The following PCLO variants were observed in gnomAD, a reference collection of about 807,000 sequenced individuals.
PCLO encodes protein piccolo.
PCLO carries 82 observed loss-of-function variants against 427.5 expected under a neutral mutation model. The ratio of observed to expected loss-of-function variants is 0.19; its 90% confidence interval spans 0.16 to 0.23. The LOEUF is 0.23. PCLO is among the 10% of genes least tolerant of loss of function. PCLO has a pLI of 1.00. For missense variants in PCLO, 6,239 were observed against 6,115.9 expected (o/e 1.02, Z -0.67); for synonymous variants, 2,357 against 2,155.4 (o/e 1.09, Z -2.59).
intron 22 of PCLO, among the ~76,000 whole-genome samples, chr7:82,793,451 T>C (rs1202644972): frequency 6.6e-6 from 1 of 152,162 alleles, no homozygotes; most frequent in Non-Finnish European, 1.5e-5. Context: ...CTTCTGCTAG[T>C]GCTTGGTCAC....
chr7:82,861,413 T>C (rs750583828), intron 10 of PCLO, among the ~76,000 whole-genome samples: 3 of 152,048 alleles, frequency 2.0e-5, no homozygotes, highest in South Asian at 2.1e-4. Context: ...AAGTTCACTA[T>C]ATAATGATAA....
chr7:82,822,086 T>C (rs899969420), intron 20 of PCLO: 9 of 1,018,226 alleles, frequency 8.8e-6, no homozygotes, highest in East Asian at 1.0e-4. Flanking sequence ...TAAATACTTA[T>C]ATGTGTGCAC....
chr7:83,107,475 G>A (rs919298341), intron 3 of PCLO, among the ~76,000 whole-genome samples: 1 of 103,184 alleles, frequency 9.7e-6, no homozygotes. Flanking sequence ...AATTAATCAT[G>A]ACCAAAATAT....
At chr7:83,043,833 T>C (rs1299610472) in intron 3 of PCLO, among the ~76,000 whole-genome samples, 5 of 150,650 alleles carry the variant, frequency 3.3e-5, no homozygotes, top group Non-Finnish European at 7.4e-5. Context: ...TTTCCAATTA[T>C]AGAAGAGAAA....
At chr7:82,905,495 TAC>T (rs1320161183) in intron 8 of PCLO, among the ~76,000 whole-genome samples, 1 of 151,802 alleles carries the variant, frequency 6.6e-6, no homozygotes, top group Non-Finnish European at 1.5e-5. Context: ...GTAGTTGGAA[TAC>T]AGAGCTGCTG....
At chr7:83,000,045 C>CA (rs1033669345) in intron 3 of PCLO, among the ~76,000 whole-genome samples, 1 of 84,520 alleles carries the variant, frequency 1.2e-5, no homozygotes, top group Non-Finnish European at 2.1e-5. Context: ...TGCCAAAAAA[C>CA]AAAAAACAAA....
At chr7:82,939,910 A>G (rs1584186041) in intron 6 of PCLO, among the ~76,000 whole-genome samples, 1 of 151,906 alleles carries the variant, frequency 6.6e-6, no homozygotes, top group Non-Finnish European at 1.5e-5. Flanking sequence ...TTTAGAAGAC[A>G]ATACTATTCA....
intron 3 of PCLO, among the ~76,000 whole-genome samples, chr7:83,002,983 T>G (rs906201666): frequency 3.3e-5 from 5 of 151,654 alleles, no homozygotes; most frequent in Admixed American, 3.3e-4. Context: ...TATTTTAAAT[T>G]TGTCATTTTA....
chr7:83,037,913 T>G (rs1238899909), intron 3 of PCLO, among the ~76,000 whole-genome samples: 1 of 139,304 alleles, frequency 7.2e-6, no homozygotes, highest in African/African-American at 2.6e-5. Flanking sequence ...GTTGGTTCTC[T>G]TTACAATTGG....
intron 3 of PCLO, among the ~76,000 whole-genome samples, chr7:83,049,684 A>T (rs1429591710): frequency 6.6e-6 from 1 of 152,058 alleles, no homozygotes; most frequent in East Asian, 1.9e-4. Context: ...TACCCTCCTT[A>T]TCTCCTTAGG....
intron 22 of PCLO, among the ~76,000 whole-genome samples, chr7:82,792,831 A>T (rs551116794): frequency 6.6e-6 from 1 of 151,974 alleles, no homozygotes; most frequent in East Asian, 1.9e-4. Context: ...GGGCTTTTTA[A>T]ATTTTGGTAT....
intron 19 of PCLO, 83 bp from the exon 20 acceptor site, chr7:82,822,772 G>T: frequency 8.8e-7 from 1 of 1,134,440 alleles, no homozygotes; most frequent in Non-Finnish European, 1.3e-6. Flanking sequence ...ATTTGAAACT[G>T]CCTAAAATTT....
At chr7:83,078,680 C>T (rs575399668) in intron 3 of PCLO, among the ~76,000 whole-genome samples, 7 of 151,972 alleles carry the variant, frequency 4.6e-5, no homozygotes, top group Admixed American at 6.6e-5. Flanking sequence ...TACAGGTGCA[C>T]GCCGCTATGC....
chr7:82,915,123 C>T lies in PCLO; in HGVS notation c.12863G>A (p.Arg4288Lys). 1 of 1,589,474 alleles carries T rather than the reference C, an allele frequency of 6.3e-7. No homozygotes were observed. The highest frequency in any genetic ancestry group is 8.6e-7 in the Non-Finnish European group (1 of 1,167,184). ...EADKPYSSGS[R>K]SRPSSRPSSV... is the part of the protein sequence containing the mutation. ...GGAAGGTCTGGAGGAAGGTCTGGAC[C>T]TGCTGCCACTACTGTATGGCTTATC... is the stretch of plus-strand genomic sequence containing the variant. The change falls in exon 7 of 25, where the codon AGG (arginine) becomes AAG (lysine). Residue 4288 changes from arginine to lysine, a missense_variant. Physicochemically the swap from Arg to Lys is conservative, Grantham distance 26. Around this residue, in one of 5 missense-constraint regions of PCLO, gnomAD observed 680 missense variants for 677.3 expected, o/e 1.00. Transcript: ENST00000333891.
Position 83,001,505 on chromosome 7 carries a change from AAC to A in PCLO, c.3301-35020_3301-35019del, listed in dbSNP as rs3035080. On this transcript the variant is annotated intron_variant, in intron 3 of 24. Transcript: ENST00000333891. Reference sequence around the variant, plus strand: ...CTTTGTTCACTCTAACACACATACAAACACACACACACACACACACACACAAA... The same window carrying A: ...CTTTGTTCACTCTAACACACATACAAACACACACACACACACACACACAAA... Among the ~76,000 whole-genome samples the A allele has an allele frequency of 9.1e-4, 136 of 149,050 alleles. 1 individual carries two copies. Among genetic ancestry groups the A allele is most frequent in the Middle Eastern group, 3.5e-3 (1 of 288 alleles).
At chr7:83,050,457 T>C (rs971344408) in intron 3 of PCLO, among the ~76,000 whole-genome samples, 2 of 151,808 alleles carry the variant, frequency 1.3e-5, no homozygotes, top group Non-Finnish European at 2.9e-5. Flanking sequence ...TTAACTATCA[T>C]TTATACACTG....
intron 10 of PCLO, among the ~76,000 whole-genome samples, chr7:82,867,221 A>C (rs139055240): frequency 1.3e-3 from 199 of 152,294 alleles, no homozygotes; most frequent in African/African-American, 4.5e-3. Flanking sequence ...GCAACATGGC[A>C]ACACTCCTGT....
rs1223893985 is a variant in PCLO, at chr7:83,029,658, A to G, written c.3301-63171T>C. Among the ~76,000 whole-genome samples the G allele has an allele frequency of 4.7e-5, 6 of 126,714 alleles. No homozygotes were observed. The Admixed American group carries it at 5.1e-4, about 11-fold the overall frequency. The allele number at this position is 126,714 out of a possible 152,430, so 83.1% of individuals were successfully genotyped here. ...ATCATGCTGCTATAAAGACACATGCACACGTATGTTTACTGCGGCATTATT... is the reference window on the plus strand; with the variant it reads ...ATCATGCTGCTATAAAGACACATGCGCACGTATGTTTACTGCGGCATTATT... On this transcript the variant is annotated intron_variant, in intron 3 of 24. Coordinates refer to ENST00000333891, the MANE Select transcript of PCLO (RefSeq NM_033026.6).
chr7:83,030,135 G>GAA (rs895267938), intron 3 of PCLO, among the ~76,000 whole-genome samples: 1 of 101,568 alleles, frequency 9.8e-6, no homozygotes, highest in African/African-American at 3.2e-5. Flanking sequence ...AAAAAAAAAA[G>GAA]AAAAGAAAAG....
Sources: allele counts gnomAD v4.1 joint callset (sites outside exome capture counted in the v4.1 genomes callset), GRCh38; gene constraint gnomAD v4.1.1; regional missense constraint gnomAD v4.1.1; transcripts MANE v1.5; gene names NCBI Gene and HGNC (gene_info 2026-07-23, HGNC 2026-07-21).